The following PTPRT variants were observed in gnomAD, a reference collection of about 807,000 sequenced individuals.
The protein encoded by PTPRT is protein tyrosine phosphatase receptor type T, also known as receptor-type tyrosine-protein phosphatase T.
PTPRT carries 56 observed loss-of-function variants against 176.8 expected under a neutral mutation model. That is an observed-to-expected ratio of 0.32 (90% CI 0.26 to 0.40). The LOEUF is 0.40. Ranked by LOEUF, PTPRT falls within the 10% of genes least tolerant of loss-of-function variation. The pLI, the probability that PTPRT is intolerant of heterozygous loss-of-function variation, is 1.00. For synonymous variants in PTPRT, 783 were observed against 739.0 expected (o/e 1.06, Z -0.96); for missense variants, 1,540 against 1,908.2 (o/e 0.81, Z 3.60).
intron 1 of PTPRT, among the ~76,000 whole-genome samples, chr20:43,018,794 C>T (rs558064747): frequency 1.3e-5 from 2 of 152,306 alleles, no homozygotes; most frequent in African/African-American, 4.8e-5. Flanking sequence ...TAAACTGATA[C>T]ACCTTTTTTT....
At chr20:43,180,077 T>C (rs1206877353) in intron 1 of PTPRT, among the ~76,000 whole-genome samples, 2 of 152,182 alleles carry the variant, frequency 1.3e-5, no homozygotes, top group Non-Finnish European at 2.9e-5. Context: ...TCCAATCCAC[T>C]GGGGGCCCGA....
At chr20:42,246,066 A>G (rs535540215) in intron 14 of PTPRT, among the ~76,000 whole-genome samples, 2 of 152,174 alleles carry the variant, frequency 1.3e-5, no homozygotes, top group African/African-American at 2.4e-5. Flanking sequence ...ACTTGAATAC[A>G]TCTTCCTTTG....
chr20:42,743,742 A>G (rs6016886), intron 6 of PTPRT, among the ~76,000 whole-genome samples: 38,948 of 152,090 alleles, frequency 0.26, 5,363 homozygotes, highest in African/African-American at 0.37. Flanking sequence ...AAGTTTAAAA[A>G]CAATACAACG....
intron 7 of PTPRT, among the ~76,000 whole-genome samples, chr20:42,539,361 C>CTTTTTTTTTTTTTT (rs71193665): frequency 7.5e-6 from 1 of 134,214 alleles, no homozygotes. Flanking sequence ...ATCACCATCA[C>CTTTTTTTTTTTTTT]TTTTTTTTTT....
chr20:42,862,541 C>T (rs2078680617), intron 2 of PTPRT, among the ~76,000 whole-genome samples: 1 of 152,160 alleles, frequency 6.6e-6, no homozygotes, highest in Admixed American at 6.6e-5. Flanking sequence ...TCTCCCATAG[C>T]CAGGGTGCTT....
chr20:42,266,476 C>T (rs904586842), intron 13 of PTPRT, among the ~76,000 whole-genome samples: 1 of 152,164 alleles, frequency 6.6e-6, no homozygotes, highest in African/African-American at 2.4e-5. Flanking sequence ...CACTGGTGGG[C>T]CTGGGGAAGA....
intron 2 of PTPRT, among the ~76,000 whole-genome samples, chr20:42,863,769 G>C (rs184151880): frequency 5.9e-5 from 9 of 152,314 alleles, no homozygotes; most frequent in Non-Finnish European, 1.3e-4. Flanking sequence ...AGCTGGTCTT[G>C]CTGTAAAGGA....
At chr20:42,881,833 G>C (rs1481924040) in intron 2 of PTPRT, among the ~76,000 whole-genome samples, 1 of 151,638 alleles carries the variant, frequency 6.6e-6, no homozygotes, top group Non-Finnish European at 1.5e-5. Flanking sequence ...AAGGAACAAG[G>C]AACAATATGT....
At chr20:43,061,288 G>A (rs1002157417) in intron 1 of PTPRT, among the ~76,000 whole-genome samples, 1 of 152,198 alleles carries the variant, frequency 6.6e-6, no homozygotes, top group Admixed American at 6.5e-5. Context: ...AGTTCTAAAA[G>A]TGCTTCCTTC....
intron 7 of PTPRT, among the ~76,000 whole-genome samples, chr20:42,531,517 C>G (rs1475750711): frequency 6.6e-6 from 1 of 152,206 alleles, no homozygotes; most frequent in Non-Finnish European, 1.5e-5. Context: ...TTCTCAGGCA[C>G]TCATTTAGCA....
At chr20:42,217,786 G>T (rs1023704241) in intron 15 of PTPRT, among the ~76,000 whole-genome samples, 9 of 152,140 alleles carry the variant, frequency 5.9e-5, no homozygotes, top group Non-Finnish European at 1.2e-4. Flanking sequence ...TTGCAAAATG[G>T]TTTTCTTTTT....
chr20:42,947,120 C>A (rs2146005827), intron 1 of PTPRT, among the ~76,000 whole-genome samples: 1 of 152,254 alleles, frequency 6.6e-6, no homozygotes. Flanking sequence ...CTGAATTTTC[C>A]AGGGGCCAAT....
chr20:42,809,179 C>T (rs774190202), intron 2 of PTPRT, among the ~76,000 whole-genome samples: 40 of 152,200 alleles, frequency 2.6e-4, no homozygotes, highest in Non-Finnish European at 4.6e-4. Flanking sequence ...GCCATCATCA[C>T]GTCACTGCCC....
Position 42,975,846 on chromosome 20 carries a change from C to T in PTPRT, c.89-89914G>A, listed in dbSNP as rs80229300. 2.9e-3 allele frequency among the ~76,000 whole-genome samples: 443 copies of T among 151,568 alleles called. 2 individuals carry two copies. Among genetic ancestry groups the T allele is most frequent in the African/African-American group, 0.01 (413 of 41,284 alleles). Reference sequence around the variant, plus strand: ...ATGTAACAAACCTGCATGTTCTGCACATGTATGCCCCGTTTTGGGGAAGAA... The same window carrying T: ...ATGTAACAAACCTGCATGTTCTGCATATGTATGCCCCGTTTTGGGGAAGAA... On this transcript the variant is annotated intron_variant, in intron 1 of 30. Transcript: ENST00000373187.
rs2012979671 is a variant in PTPRT at position 43,114,486 on chromosome 20, C to G, written c.88+75160G>C. On this transcript the variant is annotated intron_variant, in intron 1 of 30. Transcript: ENST00000373187. ...AAATGAATTAATATATCTAAAGTCC[C>G]TGGAATAATGCAGCACCTACTACAT... Among the ~76,000 whole-genome samples the G allele has an allele frequency of 2.0e-5, 3 of 152,172 alleles. No individual in the cohort carries two copies. In the South Asian group the frequency reaches 6.2e-4, roughly 32 times the overall value.
the PTPRT span, among the ~76,000 whole-genome samples, chr20:42,054,933 G>A: frequency 2.0e-5 from 3 of 152,134 alleles, no homozygotes; most frequent in African/African-American, 7.2e-5. Flanking sequence ...CCCCTACTGA[G>A]GCCACTTAGA....
chr20:43,183,072 A>G (rs1292258543), intron 1 of PTPRT, among the ~76,000 whole-genome samples: 1 of 152,218 alleles, frequency 6.6e-6, no homozygotes, highest in East Asian at 1.9e-4. Context: ...TTCAATTTTC[A>G]CTACTCAAAA....
rs151227783 is a variant in PTPRT, at chr20:43,053,535, A to G, written c.88+136111T>C. Among the ~76,000 whole-genome samples, 340 of 152,278 alleles carry G rather than the reference A, an allele frequency of 2.2e-3. 1 individual carries two copies. The highest frequency in any genetic ancestry group is 7.9e-3 in the African/African-American group (328 of 41,572). On this transcript the variant is annotated intron_variant, in intron 1 of 30. Coordinates refer to ENST00000373187, the MANE Select transcript of PTPRT (RefSeq NM_007050.6). ...AGCACCCATCATTCATATAACAGAC[A>G]TGGAGCCATCCAGCATGATGAAGTT...
chr20:43,061,866 A>T (rs1029414625), intron 1 of PTPRT, among the ~76,000 whole-genome samples: 1 of 152,238 alleles, frequency 6.6e-6, no homozygotes, highest in Non-Finnish European at 1.5e-5. Flanking sequence ...ACTCAGGCAG[A>T]ACAACTCTTG....
Sources: allele counts gnomAD v4.1 joint callset (sites outside exome capture counted in the v4.1 genomes callset), GRCh38; gene constraint gnomAD v4.1.1; transcripts MANE v1.5; gene names NCBI Gene and HGNC (gene_info 2026-07-23, HGNC 2026-07-21).